The following HS6ST1 variants were observed in gnomAD, a reference collection of about 807,000 sequenced individuals.
HS6ST1 encodes the protein heparan-sulfate 6-O-sulfotransferase 1.
In HS6ST1, 3 loss-of-function variants were observed where a neutral mutation model predicts 25.2. That is an observed-to-expected ratio of 0.12 (90% CI 0.05 to 0.31). HS6ST1 has a LOEUF of 0.31. HS6ST1 is among the 10% of genes least tolerant of loss of function. The pLI is 1.00. For synonymous variants in HS6ST1, 204 were observed against 275.1 expected, an observed-to-expected ratio of 0.74 and a Z score of 2.56; for missense variants, 310 against 609.6, an observed-to-expected ratio of 0.51 and a Z score of 5.18.
At chr2:128,313,737 A>C (rs987304886) in intron 1 of HS6ST1, among the ~76,000 whole-genome samples, 1 of 152,192 alleles carries the variant, frequency 6.6e-6, no homozygotes, top group South Asian at 2.1e-4. Context: ...CAAGGTGGGC[A>C]CTGCACTCTC....
chr2:128,302,314 G>A (rs1694144286), intron 1 of HS6ST1, among the ~76,000 whole-genome samples: 1 of 152,204 alleles, frequency 6.6e-6, no homozygotes, highest in Non-Finnish European at 1.5e-5. Context: ...AGCTGGAGCT[G>A]TGCAGCCAAG....
intron 1 of HS6ST1, among the ~76,000 whole-genome samples, chr2:128,287,854 G>A (rs1252427880): frequency 2.6e-5 from 4 of 152,242 alleles, no homozygotes; most frequent in Non-Finnish European, 4.4e-5. Flanking sequence ...TCCAAGGCAG[G>A]GCTCCAGCAA....
intron 1 of HS6ST1, among the ~76,000 whole-genome samples, chr2:128,310,223 C>T (rs1015123642): frequency 3.9e-5 from 6 of 152,226 alleles, no homozygotes; most frequent in Admixed American, 3.3e-4. Context: ...GCAGCCTCAG[C>T]GCCTGGTCTG....
intron 1 of HS6ST1, among the ~76,000 whole-genome samples, chr2:128,305,363 T>C (rs539486026): frequency 2.0e-5 from 3 of 152,334 alleles, no homozygotes; most frequent in African/African-American, 7.2e-5. Flanking sequence ...TTGGGAGGCC[T>C]GAACTTTTGC....
intron 1 of HS6ST1, 141 bp downstream of exon 1, chr2:128,317,896 G>A (rs974561187): frequency 2.0e-6 from 2 of 1,025,360 alleles, no homozygotes; most frequent in Non-Finnish European, 2.6e-6. Context: ...TCGGCAGGTC[G>A]GGAGGGGTGC....
chr2:128,270,187 C>T (rs1043129767), intron 1 of HS6ST1, among the ~76,000 whole-genome samples: 2 of 152,196 alleles, frequency 1.3e-5, no homozygotes, highest in East Asian at 1.9e-4. Flanking sequence ...AGCTGTCATC[C>T]GCCCAGTGTT....
chr2:128,286,673 T>A (rs546654828), intron 1 of HS6ST1, among the ~76,000 whole-genome samples: 29 of 152,298 alleles, frequency 1.9e-4, no homozygotes, highest in Middle Eastern at 3.4e-3. Flanking sequence ...TACTGACTTG[T>A]TAAAAAATAA....
At chr2:128,290,657 C>T (rs1028860753) in intron 1 of HS6ST1, among the ~76,000 whole-genome samples, 1 of 151,940 alleles carries the variant, frequency 6.6e-6, no homozygotes, top group Non-Finnish European at 1.5e-5. Flanking sequence ...AATAAAAACT[C>T]TCAGGAAACT....
intron 1 of HS6ST1, among the ~76,000 whole-genome samples, chr2:128,294,674 GT>G (rs1694012636): frequency 7.1e-5 from 1 of 14,046 alleles, no homozygotes; most frequent in Non-Finnish European, 1.2e-4. Context: ...AGGGAGGCGT[GT>G]GTGTGTGTGT....
At chr2:128,282,771 C>T (rs959012463) in intron 1 of HS6ST1, among the ~76,000 whole-genome samples, 3 of 152,242 alleles carry the variant, frequency 2.0e-5, no homozygotes, top group Non-Finnish European at 2.9e-5. Flanking sequence ...GGATCTCCTA[C>T]CTGGAGGGGA....
intron 1 of HS6ST1, among the ~76,000 whole-genome samples, chr2:128,293,609 G>A: frequency 6.6e-6 from 1 of 152,228 alleles, no homozygotes; most frequent in East Asian, 1.9e-4. Flanking sequence ...GCAAAACCAG[G>A]GGCTGGTATG....
chr2:128,311,738 A>T (rs1449219596), intron 1 of HS6ST1, among the ~76,000 whole-genome samples: 1 of 152,192 alleles, frequency 6.6e-6, no homozygotes, highest in African/African-American at 2.4e-5. Context: ...CAGAGCAAGG[A>T]CACTGGAGCA....
chr2:128,278,985 C>T (rs960428676), intron 1 of HS6ST1, among the ~76,000 whole-genome samples: 1 of 152,104 alleles, frequency 6.6e-6, no homozygotes, highest in African/African-American at 2.4e-5. Context: ...GGAAATATGA[C>T]CCAAGAAGAA....
intron 1 of HS6ST1, among the ~76,000 whole-genome samples, chr2:128,270,363 C>T (rs1693592629): frequency 6.6e-6 from 1 of 152,166 alleles, no homozygotes; most frequent in African/African-American, 2.4e-5. Flanking sequence ...CCTCAGTTTC[C>T]CTGCTCCAGG....
chr2:128,301,757 C>T (rs1156846991), intron 1 of HS6ST1, among the ~76,000 whole-genome samples: 1 of 152,176 alleles, frequency 6.6e-6, no homozygotes, highest in Non-Finnish European at 1.5e-5. Context: ...TACATGTGTG[C>T]TGGTTTGAAG....
intron 1 of HS6ST1, among the ~76,000 whole-genome samples, chr2:128,288,680 A>AAAAC (rs952714186): frequency 7.3e-6 from 1 of 136,524 alleles, no homozygotes; most frequent in Admixed American, 7.7e-5. Context: ...CATGTATTAG[A>AAAAC]AAACAAACAA....
chr2:128,292,253 C>T (rs1480936039), intron 1 of HS6ST1, among the ~76,000 whole-genome samples: 1 of 152,212 alleles, frequency 6.6e-6, no homozygotes, highest in South Asian at 2.1e-4. Flanking sequence ...GCAGTCTGGG[C>T]CTGCTCACAC....
At chr2:128,313,242 C>G (rs1205993887) in intron 1 of HS6ST1, among the ~76,000 whole-genome samples, 1 of 152,096 alleles carries the variant, frequency 6.6e-6, no homozygotes, top group Non-Finnish European at 1.5e-5. Context: ...CTAGGAATCT[C>G]CAGAGGAAAT....
intron 1 of HS6ST1, among the ~76,000 whole-genome samples, chr2:128,284,355 C>T (rs997978740): frequency 6.6e-6 from 1 of 152,120 alleles, no homozygotes; most frequent in African/African-American, 2.4e-5. Context: ...GCCACCTGTC[C>T]CCAGTCACAC....
Sources: allele counts gnomAD v4.1 joint callset (sites outside exome capture counted in the v4.1 genomes callset), GRCh38; gene constraint gnomAD v4.1.1; transcripts MANE v1.5; gene names NCBI Gene and HGNC (gene_info 2026-07-23, HGNC 2026-07-21).